Variants in NEMP1 observed in about 807,000 individuals in gnomAD.
NEMP1 encodes the protein transmembrane protein 194.
Under a neutral mutation model 53.7 loss-of-function variants are expected in NEMP1, and 29 were observed. That is an observed-to-expected ratio of 0.54 (90% confidence interval 0.40 to 0.74). NEMP1 has a LOEUF of 0.74. NEMP1 is among the 30% of genes least tolerant of loss of function. NEMP1 has a pLI of 0.00. For synonymous variants in NEMP1, 193 were observed against 192.9 expected (o/e 1.00, Z 0.00); for missense variants, 477 against 528.6 (o/e 0.90, Z 0.96).
At position 57,063,254 on chromosome 12, in the gene NEMP1, C is replaced by T; in HGVS notation, c.845G>A (p.Trp282Ter). The T allele has an allele frequency of 6.2e-7, 1 of 1,614,170 alleles. No homozygotes were observed. Among genetic ancestry groups the T allele is most frequent in the Non-Finnish European group, 8.5e-7 (1 of 1,180,034 alleles). Reference protein sequence around the residue: ...ENERSINLLTWTLQLMGLCFM... With the variant: ...ENERSINLLT The stretch of plus-strand genomic sequence containing the variant: ...ACACAGGCCCATCAGCTGCAAGGTC[C>T]AGGTCAGCAGGTTGATACTTCGTTC... Residue 282 changes from tryptophan (W) to a stop codon, truncating the protein, a stop_gained, in exon 7 of 9, where the codon TGG becomes TAG. Coordinates refer to ENST00000300128, the MANE Select transcript of NEMP1 (RefSeq NM_001130963.2). LOFTEE classifies it high-confidence loss of function.
rs763305232 is a variant in NEMP1 at position 57,064,170 on chromosome 12, C to T, written c.655G>A (p.Val219Ile). ...KFMPKKSPIYVILVGGWSFSL... is the reference protein window; with the variant it reads ...KFMPKKSPIYIILVGGWSFSL... Reference sequence around the variant, plus strand: ...AAAGACCAGCCTCCCACCAGGATGACGTAAATGGGACTTTTCTAAGACAGA... The same window carrying T: ...AAAGACCAGCCTCCCACCAGGATGATGTAAATGGGACTTTTCTAAGACAGA... The change falls in exon 6 of 9, where the codon GTC becomes ATC. Residue 219 changes from valine (V) to isoleucine (I), a missense_variant. Transcript: ENST00000300128. 5.2e-5 allele frequency: 83 copies of T among 1,604,576 alleles called. No individual in the cohort carries two copies. The highest frequency in any genetic ancestry group is 6.6e-5 in the Non-Finnish European group (78 of 1,176,190).
intron 1 of NEMP1, among the ~76,000 whole-genome samples, chr12:57,075,590 A>G (rs2032572817): frequency 6.6e-6 from 1 of 151,178 alleles, no homozygotes. Flanking sequence ...TTGGGAAGCC[A>G]AGGTGAGGGG....
At chr12:57,083,069 A>G (rs974427375), upstream of NEMP1, among the ~76,000 whole-genome samples, 10 of 152,050 alleles carry the variant, frequency 6.6e-5, no homozygotes, top group African/African-American at 2.2e-4. Context: ...ATAGATATGT[A>G]TATGTATTTT....
Position 57,059,942 on chromosome 12 carries a change from G to A in NEMP1, c.1272C>T (p.Ser424=), listed in dbSNP as rs117739513. 6.2e-7 allele frequency: 1 copy of A among 1,613,702 alleles called. No homozygotes were observed. The highest frequency in any genetic ancestry group is 2.2e-5 in the East Asian group (1 of 44,854). ...IAQDEIYEEA[S]SEEEDSYSRC... is the part of the protein sequence containing the mutation. ...GAGAATATGAGTCCTCCTCCTCAGA[G>A]GATGCTTCCTCATAGATTTCATCCT... The change falls in exon 9 of 9, where the codon TCC becomes TCT. Residue 424 remains serine (S), a synonymous_variant. Transcript: ENST00000300128.
intron 1 of NEMP1, among the ~76,000 whole-genome samples, chr12:57,075,537 G>C (rs943560806): frequency 3.8e-5 from 5 of 131,858 alleles, no homozygotes; most frequent in African/African-American, 2.9e-5. Flanking sequence ...TAAATAAATA[G>C]TTGGGCCCAG....
chr12:57,068,883 G>A (rs2032217837), intron 4 of NEMP1, among the ~76,000 whole-genome samples: 1 of 151,862 alleles, frequency 6.6e-6, no homozygotes, highest in South Asian at 2.1e-4. Context: ...GTTTCTTTAC[G>A]TCTGAACAAA....
Position 57,078,723 on chromosome 12 carries a change from G to A in NEMP1, c.23C>T (p.Ala8Val), listed in dbSNP as rs1041207725. ...CCCGGGACCAACTGCCGGCGAGACCGCCACTTTCATTCCTCCCGCCATGGT... is the reference window on the plus strand; with the variant it reads ...CCCGGGACCAACTGCCGGCGAGACCACCACTTTCATTCCTCCCGCCATGGT... Reference protein sequence around the residue: MAGGMKVAVSPAVGPGPW... With the variant: MAGGMKVVVSPAVGPGPW... The change falls in exon 1 of 9, where the codon GCG becomes GTG. Residue 8 changes from alanine to valine, a missense_variant. Transcript: ENST00000300128. The A allele has an allele frequency of 6.8e-6, 11 of 1,612,114 alleles. No individual in the cohort carries two copies. Among genetic ancestry groups the A allele is most frequent in the African/African-American group, 2.7e-5 (2 of 74,844 alleles).
chr12:57,078,917 G>A, upstream of NEMP1: 1 of 681,342 alleles, frequency 1.5e-6, no homozygotes, highest in Non-Finnish European at 2.4e-6. Flanking sequence ...CTTAGCAACT[G>A]AAGAGAGAGG....
Position 57,064,677 on chromosome 12 carries a change from A to T in NEMP1, c.608T>A (p.Ile203Asn), listed in dbSNP as rs953539256. 1 of 1,612,900 alleles carries T rather than the reference A, an allele frequency of 6.2e-7. No individual in the cohort carries two copies. Among genetic ancestry groups the T allele is most frequent in the Non-Finnish European group, 8.5e-7 (1 of 1,179,390 alleles). Reference protein sequence around the residue: ...TVGIVASLLIIIFILSKFMPK... With the variant: ...TVGIVASLLINIFILSKFMPK... ...CATAAACTTAGATAGTATAAAAATG[A>T]TGATTAGCAGAGAGGCCACAATTCC... The change falls in exon 5 of 9, where the codon ATC (isoleucine) becomes AAC (asparagine). Residue 203 changes from isoleucine to asparagine, a missense_variant. Transcript: ENST00000300128.
upstream of NEMP1, among the ~76,000 whole-genome samples, chr12:57,083,523 A>T (rs2032907105): frequency 6.6e-6 from 1 of 152,236 alleles, no homozygotes; most frequent in Non-Finnish European, 1.5e-5. Flanking sequence ...GTGTTTCAAA[A>T]TTTTTTGGAT....
intron 5 of NEMP1, 39 bp from the exon 6 acceptor site, chr12:57,064,224 C>A: frequency 7.4e-7 from 1 of 1,344,836 alleles, no homozygotes; most frequent in South Asian, 1.3e-5. Flanking sequence ...AAAGTTACAA[C>A]AGGCTTTCCA....
chr12:57,081,215 C>T (rs1211036337), upstream of NEMP1, among the ~76,000 whole-genome samples: 3 of 152,180 alleles, frequency 2.0e-5, no homozygotes, highest in Non-Finnish European at 4.4e-5. Context: ...TCAAAGCTGT[C>T]AAAGTCATCC....
chr12:57,072,051 A>T (rs2032374814), intron 2 of NEMP1, among the ~76,000 whole-genome samples: 1 of 152,234 alleles, frequency 6.6e-6, no homozygotes, highest in Admixed American at 6.5e-5. Flanking sequence ...AATATCTCAT[A>T]TAGAATCAGA....
At chr12:57,072,005 G>A (rs984111420) in intron 2 of NEMP1, among the ~76,000 whole-genome samples, 1 of 152,212 alleles carries the variant, frequency 6.6e-6, no homozygotes, top group African/African-American at 2.4e-5. Flanking sequence ...TGAAATAAAT[G>A]AGACCAAAGT....
chr12:57,078,975 G>A (rs904128872), upstream of NEMP1, among the ~76,000 whole-genome samples: 1 of 152,232 alleles, frequency 6.6e-6, no homozygotes, highest in Non-Finnish European at 1.5e-5. Context: ...TCTCACCCTA[G>A]CAGTGGCGAC....
At chr12:57,063,698 G>A (rs974663956) in intron 6 of NEMP1, among the ~76,000 whole-genome samples, 1 of 152,136 alleles carries the variant, frequency 6.6e-6, no homozygotes, top group Non-Finnish European at 1.5e-5. Context: ...AAAATCTACA[G>A]CAGTTCATTC....
rs2031638061 is a variant in NEMP1, at chr12:57,058,505, T to C, written c.*1374A>G. 6.6e-6 allele frequency: 1 copy of C among 152,196 alleles called. No homozygotes were observed. The highest frequency in any genetic ancestry group is 1.5e-5 in the Non-Finnish European group (1 of 68,030). 9.4% of individuals were successfully genotyped at this position (152,196 alleles called of 1,614,324 possible). On this transcript the variant is annotated 3_prime_UTR_variant, in exon 9 of 9. Coordinates refer to ENST00000300128, the MANE Select transcript of NEMP1 (RefSeq NM_001130963.2). ...AAGTAAATGACAGACACTTGAGAATTTGCTTCCTCACAGATGACATTGCTG... is the reference window on the plus strand; with the variant it reads ...AAGTAAATGACAGACACTTGAGAATCTGCTTCCTCACAGATGACATTGCTG...
At chr12:57,061,086 CT>C in intron 7 of NEMP1, 141 bp from the exon 8 acceptor site, 1 of 785,580 alleles carries the variant, frequency 1.3e-6, no homozygotes, top group Non-Finnish European at 1.9e-6. Flanking sequence ...CCATGGACAT[CT>C]TTAGTTATAA....
chr12:57,060,085 T>C lies in NEMP1; in HGVS notation c.1155-26A>G. The C allele has an allele frequency of 1.9e-6, 3 of 1,607,168 alleles. No individual in the cohort carries two copies. The Admixed American group carries it at 5.0e-5, about 27-fold the overall frequency. The stretch of plus-strand genomic sequence containing the variant: ...CTGGAAAAGAGAAGATAATACTCGT[T>C]AGAAATATCCTTCTGTCCTTTCTGG... On this transcript the variant is annotated intron_variant, in intron 8 of 8. Transcript: ENST00000300128.
Sources: allele counts gnomAD v4.1 joint callset (sites outside exome capture counted in the v4.1 genomes callset), GRCh38; gene constraint gnomAD v4.1.1; transcripts MANE v1.5; gene names NCBI Gene and HGNC (gene_info 2026-07-23, HGNC 2026-07-21).